Variants in HUWE1 observed in about 807,000 individuals in gnomAD.
HUWE1 encodes the protein E3 ubiquitin-protein ligase HUWE1.
In HUWE1, 18 loss-of-function variants were observed where a neutral mutation model predicts 299.4. The ratio of observed to expected loss-of-function variants is 0.06; its 90% CI spans 0.04 to 0.09. HUWE1 has a LOEUF of 0.09. Among genes scored for constraint, HUWE1 ranks in the 10% least tolerant of loss-of-function variants. HUWE1 has a pLI of 1.00. For synonymous variants in HUWE1, 1,317 were observed against 1,286.1 expected, an observed-to-expected ratio of 1.02 and a Z score of -0.51; for missense variants, 1,832 against 3,462.3, an observed-to-expected ratio of 0.53 and a Z score of 11.82.
At chrX:53,659,475 T>C (rs1557044363) in intron 3 of HUWE1, among the ~76,000 whole-genome samples, 1 of 111,933 alleles carries the variant, frequency 8.9e-6, no homozygotes, top group South Asian at 3.7e-4. Context: ...TCCAACCACA[T>C]GACATTCTAG....
At chrX:53,601,145 C>T (rs782245593) in intron 28 of HUWE1, among the ~76,000 whole-genome samples, 47 of 110,527 alleles carry the variant, frequency 4.3e-4, no homozygotes, top group Non-Finnish European at 7.8e-4. Context: ...TTAGAAATTT[C>T]CCTTTCTAGT....
intron 29 of HUWE1, 88 bp downstream of exon 29, chrX:53,600,030 G>T: frequency 1.1e-6 from 1 of 882,674 alleles, no homozygotes. Context: ...ACTTCCTTAG[G>T]TGAAACAACA....
At chrX:53,639,570 G>T (rs12845108) in intron 7 of HUWE1, among the ~76,000 whole-genome samples, 2,030 of 111,513 alleles carry the variant, frequency 0.018, 20 homozygotes, top group Non-Finnish European at 0.031. Flanking sequence ...ATTTGTAACT[G>T]AAGGACAAAA....
intron 28 of HUWE1, among the ~76,000 whole-genome samples, chrX:53,600,776 C>T (rs889146864): frequency 8.9e-6 from 1 of 112,657 alleles, no homozygotes; most frequent in Non-Finnish European, 1.9e-5. Context: ...TATGCTTGCT[C>T]TTAGATCTAA....
At chrX:53,537,740 G>A (rs781920201) in intron 77 of HUWE1, 44 bp from the exon 78 acceptor site, 2 of 1,167,182 alleles carry the variant, frequency 1.7e-6, no homozygotes, top group Non-Finnish European at 2.3e-6. Flanking sequence ...AAGGGTGGCA[G>A]AACAAATTTG....
At chrX:53,589,410 A>AG in intron 36 of HUWE1, 137 bp downstream of exon 36, 1 of 613,369 alleles carries the variant, frequency 1.6e-6, no homozygotes. Flanking sequence ...CAGGATTACC[A>AG]GATCGAAAGA....
At chrX:53,629,403 GTC>G (rs2066724582) in intron 13 of HUWE1, 111 bp downstream of exon 13, 1 of 533,030 alleles carries the variant, frequency 1.9e-6, no homozygotes, top group South Asian at 2.6e-5. Flanking sequence ...TGCCCAAGAT[GTC>G]TCATTATGTA....
At chrX:53,586,978 T>C in intron 37 of HUWE1, 69 bp from the exon 38 acceptor site, 1 of 1,104,521 alleles carries the variant, frequency 9.1e-7, no homozygotes. Context: ...AAGATTAGCA[T>C]GGGATAGGGG....
intron 3 of HUWE1, among the ~76,000 whole-genome samples, chrX:53,655,411 C>T (rs1184470303): frequency 1.8e-5 from 2 of 111,986 alleles, no homozygotes; most frequent in African/African-American, 6.5e-5. Context: ...GTGAAAAATT[C>T]AGAATACGTT....
At chrX:53,646,096 A>G (rs781797227) in intron 6 of HUWE1, among the ~76,000 whole-genome samples, 1 of 111,186 alleles carries the variant, frequency 9.0e-6, no homozygotes, top group East Asian at 2.8e-4. Context: ...TGGCAATTAT[A>G]TAACATATAA....
intron 9 of HUWE1, 90 bp downstream of exon 9, chrX:53,632,396 AT>A: frequency 3.0e-6 from 2 of 667,172 alleles, no homozygotes; most frequent in Non-Finnish European, 5.0e-6. Flanking sequence ...GCTCAAAACC[AT>A]TTATTCATTT....
At chrX:53,679,936 G>C (rs1006824404) in intron 3 of HUWE1, 113 bp downstream of exon 3, 14 of 290,774 alleles carry the variant, frequency 4.8e-5, no homozygotes, top group African/African-American at 3.9e-4. Context: ...CAGATCCAGA[G>C]AATGGAAGAA....
Position 53,584,204 on chromosome X carries a change from T to G in HUWE1, c.5143A>C (p.Lys1715Gln). The change falls in exon 41 of 84, where the codon AAA (lysine) becomes CAA (glutamine). Residue 1715 changes from lysine to glutamine, a missense_variant. Physicochemically the swap from Lys to Gln is moderately conservative, Grantham distance 53. Coordinates refer to ENST00000262854, the MANE Select transcript of HUWE1 (RefSeq NM_031407.7). ...TACATACCATTGCCTTTATTTTCTTTACGTTTGATATCCATTTCTTTGCTT... is the reference window on the plus strand; with the variant it reads ...TACATACCATTGCCTTTATTTTCTTGACGTTTGATATCCATTTCTTTGCTT... ...EESKEMDIKRKENKGNDTPLA... is the reference protein window; with the variant it reads ...EESKEMDIKRQENKGNDTPLA... 1 of 1,209,574 alleles carries G rather than the reference T, an allele frequency of 8.3e-7. No individual in the cohort carries two copies. Among genetic ancestry groups the G allele is most frequent in the African/African-American group, 1.7e-5 (1 of 57,799 alleles).
At chrX:53,577,097 C>G in intron 43 of HUWE1, 30 bp from the exon 44 acceptor site, 2 of 1,116,231 alleles carry the variant, frequency 1.8e-6, no homozygotes, top group Non-Finnish European at 2.5e-6. Context: ...AAAAACCAGT[C>G]AATCATGAAG....
intron 3 of HUWE1, among the ~76,000 whole-genome samples, chrX:53,665,447 C>T (rs2069201346): frequency 8.9e-6 from 1 of 111,859 alleles, no homozygotes. Context: ...AAAATATGGG[C>T]AGGGAGGGAT....
rs782157706 is a variant in HUWE1 at position 53,625,143 on chromosome X, C to T, written c.1591+14G>A. 6 of 1,084,851 alleles carry T rather than the reference C, an allele frequency of 5.5e-6. No homozygotes were observed. Among genetic ancestry groups the T allele is most frequent in the Non-Finnish European group, 7.7e-6 (6 of 781,156 alleles). The allele number at this position is 1,084,851 out of a possible 1,213,427, so 89.4% of individuals were successfully genotyped here. ...TAAAATATCCTCCAAAAAAAGTTAT[C>T]TGGAATCAAATACCATGTCGTATGC... On this transcript the variant is annotated intron_variant, in intron 18 of 83. Coordinates refer to ENST00000262854, the MANE Select transcript of HUWE1 (RefSeq NM_031407.7).
chrX:53,602,854 C>CTT (rs781982959), intron 27 of HUWE1, among the ~76,000 whole-genome samples, 196 bp from the exon 28 acceptor site: 2 of 96,805 alleles, frequency 2.1e-5, no homozygotes, highest in African/African-American at 3.8e-5. Flanking sequence ...TTTTTTTTTT[C>CTT]TTTTTTTTTT....
intron 73 of HUWE1, 149 bp downstream of exon 73, chrX:53,543,692 A>G: frequency 1.1e-6 from 1 of 879,764 alleles, no homozygotes; most frequent in Non-Finnish European, 1.6e-6. Context: ...GAAAACACCA[A>G]CAGAAAGTAA....
In HUWE1 at chrX:53,576,678, C is replaced by T. The variant is rs185962021; in HGVS notation, c.5884+222G>A. Among the ~76,000 whole-genome samples the T allele has an allele frequency of 7.1e-5, 8 of 112,069 alleles. No individual in the cohort carries two copies. In the East Asian group the frequency reaches 2.0e-3, roughly 27 times the overall value. ...AAATTTTCTTACCTGTGCACCCTCA[C>T]TAGGTAAGGTGCCTCACCCTAAGGA... On this transcript the variant is annotated intron_variant, in intron 44 of 83. Coordinates refer to ENST00000262854, the MANE Select transcript of HUWE1 (RefSeq NM_031407.7).
Sources: gnomAD v4.1 joint callset for allele counts (sites outside exome capture counted in the v4.1 genomes callset) on GRCh38, gnomAD v4.1.1 for gene constraint, MANE v1.5 for transcripts, NCBI Gene and HGNC (gene_info 2026-07-23, HGNC 2026-07-21) for gene names.